The following MPRIP variants were observed in gnomAD, a reference collection of about 807,000 sequenced individuals.
MPRIP encodes the protein myosin phosphatase Rho-interacting protein.
A neutral mutation model predicts 234.9 loss-of-function variants in MPRIP; 59 were observed. That is an observed-to-expected ratio of 0.25 (90% CI 0.20 to 0.31). The LOEUF (loss-of-function observed/expected upper bound fraction) is 0.31. Ranked by LOEUF, MPRIP falls within the 10% of genes least tolerant of loss-of-function variation. The pLI is 1.00. For missense variants in MPRIP, 2,436 were observed against 3,071.0 expected, an observed-to-expected ratio of 0.79 and a Z score of 4.89; for synonymous variants, 1,144 against 1,263.9, an observed-to-expected ratio of 0.91 and a Z score of 2.01.
intron 1 of MPRIP, among the ~76,000 whole-genome samples, chr17:17,053,691 T>A (rs1157805463): frequency 6.6e-6 from 1 of 152,178 alleles, no homozygotes; most frequent in Non-Finnish European, 1.5e-5. Flanking sequence ...CCTTCCACTG[T>A]GATTTTGTGG....
intron 1 of MPRIP, among the ~76,000 whole-genome samples, chr17:17,064,362 T>C (rs1422340662): frequency 6.6e-6 from 1 of 152,058 alleles, no homozygotes; most frequent in African/African-American, 2.4e-5. Context: ...CCACTGTTTT[T>C]CCTTTTTTAT....
intron 1 of MPRIP, among the ~76,000 whole-genome samples, chr17:17,055,430 G>A (rs529658449): frequency 2.6e-5 from 4 of 152,146 alleles, no homozygotes; most frequent in Non-Finnish European, 4.4e-5. Flanking sequence ...GGGAGATCTG[G>A]CCAGGACGTT....
At chr17:17,139,695 T>C (rs1238901743) in intron 7 of MPRIP, among the ~76,000 whole-genome samples, 5 of 152,148 alleles carry the variant, frequency 3.3e-5, no homozygotes, top group Non-Finnish European at 5.9e-5. Flanking sequence ...GCCCACCCAC[T>C]CTTCCAAACG....
At chr17:17,100,256 A>C (rs1184475930) in intron 3 of MPRIP, among the ~76,000 whole-genome samples, 1 of 152,166 alleles carries the variant, frequency 6.6e-6, no homozygotes, top group East Asian at 1.9e-4. Flanking sequence ...TTCCTGAATC[A>C]CCAAGTTCAG....
At chr17:17,125,232 G>T (rs973266799) in intron 3 of MPRIP, among the ~76,000 whole-genome samples, 7 of 152,196 alleles carry the variant, frequency 4.6e-5, no homozygotes, top group Non-Finnish European at 1.0e-4. Context: ...GTCCCCCCAG[G>T]GTCAGTGTTG....
chr17:17,131,821 A>G (rs996624712), intron 5 of MPRIP, 120 bp downstream of exon 5: 1 of 826,484 alleles, frequency 1.2e-6, no homozygotes, highest in Non-Finnish European at 2.0e-6. Flanking sequence ...GCAGTCACCA[A>G]CTCTGCACAT....
intron 5 of MPRIP, among the ~76,000 whole-genome samples, chr17:17,135,545 A>G (rs1271293256): frequency 2.0e-5 from 3 of 152,240 alleles, no homozygotes; most frequent in Non-Finnish European, 2.9e-5. Context: ...TTCTCACAGC[A>G]GGCTGGTTAG....
At chr17:17,161,167 A>G (rs2045856313) in intron 14 of MPRIP, 73 bp from the exon 15 acceptor site, 1 of 1,040,408 alleles carries the variant, frequency 9.6e-7, no homozygotes, top group African/African-American at 1.6e-5. Context: ...GACCAGTGAA[A>G]GAGTCTGTGC....
intron 11 of MPRIP, 154 bp from the exon 12 acceptor site, chr17:17,149,990 G>A (rs879100366): frequency 1.6e-6 from 1 of 626,888 alleles, no homozygotes; most frequent in South Asian, 1.8e-5. Context: ...AGGGGCCTGG[G>A]TCATGCAGTA....
At position 17,118,486 on chromosome 17, in the gene MPRIP, A is replaced by G. The variant is rs893318566; in HGVS notation, c.268-8216A>G. 2.6e-5 allele frequency among the ~76,000 whole-genome samples: 4 copies of G among 152,230 alleles called. No individual in the cohort carries two copies. In the East Asian group the frequency reaches 7.7e-4, roughly 29 times the overall value. On this transcript the variant is annotated intron_variant, in intron 3 of 23. Transcript: ENST00000651222. ...CTGGAATCAGACCTGACACCTGAGG[A>G]CAGGCATTGGGATGAGGGCTCAGCC...
rs1310557103 is a variant in MPRIP, at chr17:17,167,697, T to A, written c.6106T>A (p.Cys2036Ser). Reference protein sequence around the residue: ...QSLRCLQDTLCLHQGPHPKAL... With the variant: ...QSLRCLQDTLSLHQGPHPKAL... Reference sequence around the variant, plus strand: ...CCTGAGGTGCCTTCAGGACACCCTCTGCCTCCACCAGGGGCCACACCCCAA... The same window carrying A: ...CCTGAGGTGCCTTCAGGACACCCTCAGCCTCCACCAGGGGCCACACCCCAA... The change falls in exon 16 of 24, where the codon TGC becomes AGC. Residue 2036 changes from cysteine to serine, a missense_variant. By Grantham distance (112) the Cys-to-Ser change is moderately radical (BLOSUM62 -1). Around this residue, in one of 4 missense-constraint regions of MPRIP, gnomAD observed 1,998 missense variants for 2,520.3 expected, o/e 0.79. Transcript: ENST00000651222. This position sits in a 1 kb window ranked among gnomAD's most constrained non-coding sequence, Gnocchi z 5.9. 7.7e-7 allele frequency: 1 copy of A among 1,304,056 alleles called. No homozygotes were observed. The allele number at this position is 1,304,056 out of a possible 1,614,324, so 80.8% of individuals were successfully genotyped here.
Position 17,143,567 on chromosome 17 carries a change from T to C in MPRIP, c.1401T>C (p.Asn467=). 6.3e-7 allele frequency: 1 copy of C among 1,596,702 alleles called. No individual in the cohort carries two copies. Among genetic ancestry groups the C allele is most frequent in the Admixed American group, 1.7e-5 (1 of 57,788 alleles). The change falls in exon 9 of 24, where the codon AAT becomes AAC. Residue 467 remains asparagine, a synonymous_variant. Coordinates refer to ENST00000651222, the MANE Select transcript of MPRIP (RefSeq NM_001364716.4). ...GCTCTCTGCCACAGGACTTCACCAATGAAGCCCCCCCAGCTCCTCTCCCAG... is the reference window on the plus strand; with the variant it reads ...GCTCTCTGCCACAGGACTTCACCAACGAAGCCCCCCCAGCTCCTCTCCCAG... ...RAFPRKRDFT[N]EAPPAPLPDA... is the part of the protein sequence containing the mutation.
intron 16 of MPRIP, among the ~76,000 whole-genome samples, chr17:17,170,531 T>A (rs1333770302): frequency 6.6e-6 from 1 of 152,194 alleles, no homozygotes; most frequent in East Asian, 1.9e-4. Flanking sequence ...GAGTTGGCCA[T>A]CACCAAAAGT....
In MPRIP at chr17:17,074,275, A is replaced by C. The variant is rs530296956; in HGVS notation, c.124-1435A>C. On this transcript the variant is annotated intron_variant, in intron 1 of 23. Transcript: ENST00000651222. ...GCACTGGATAAATGGGACTGGTTGT[A>C]CCTTTTCCAATGCATTCTCGCCAGC... Among the ~76,000 whole-genome samples, 9 of 152,296 alleles carry C rather than the reference A, an allele frequency of 5.9e-5. No homozygotes were observed. In the South Asian group the frequency reaches 1.9e-3, roughly 32 times the overall value.
In MPRIP at chr17:17,175,324, C is replaced by T. The variant is rs747753320; in HGVS notation, c.6782C>T (p.Thr2261Ile). ...ELNNRLAAEI[T>I]RLRTLLTGDG... ...AACAACCGCCTGGCTGCAGAGATCA[C>T]ACGGTTGCGGACGCTGCTGACTGGG... Residue 2261 changes from threonine to isoleucine, a missense_variant, in exon 20 of 24, where the codon ACA (threonine) becomes ATA (isoleucine). Around this residue, in one of 4 missense-constraint regions of MPRIP, gnomAD observed 1,998 missense variants for 2,520.3 expected, o/e 0.79. Coordinates refer to ENST00000651222, the MANE Select transcript of MPRIP (RefSeq NM_001364716.4). The T allele has an allele frequency of 2.5e-6, 4 of 1,613,496 alleles. No individual in the cohort carries two copies. The highest frequency in any genetic ancestry group is 3.4e-6 in the Non-Finnish European group (4 of 1,180,022).
chr17:17,179,589 A>T (rs530908769), intron 22 of MPRIP: 4 of 157,856 alleles, frequency 2.5e-5, no homozygotes, highest in African/African-American at 9.6e-5. Flanking sequence ...TGGGTGGACA[A>T]TGAGAAGGCC....
chr17:17,096,376 T>C (rs1414251903), intron 3 of MPRIP, among the ~76,000 whole-genome samples: 2 of 148,646 alleles, frequency 1.3e-5, no homozygotes, highest in African/African-American at 5.0e-5. Flanking sequence ...CCAGGGGACC[T>C]GTGTGTGTTG....
intron 3 of MPRIP, among the ~76,000 whole-genome samples, chr17:17,113,686 A>C (rs2090218726): frequency 6.6e-6 from 1 of 152,128 alleles, no homozygotes; most frequent in East Asian, 1.9e-4. Context: ...TGGATGAAAC[A>C]GCAAATCTAT....
At chr17:17,046,588 T>C (rs2088360445) in intron 1 of MPRIP, among the ~76,000 whole-genome samples, 1 of 152,244 alleles carries the variant, frequency 6.6e-6, no homozygotes, top group Non-Finnish European at 1.5e-5. Context: ...TGAGCCTTTT[T>C]TATAGTATTT....
Sources: gnomAD v4.1 joint callset for allele counts (sites outside exome capture counted in the v4.1 genomes callset) on GRCh38, gnomAD v4.1.1 for gene constraint, gnomAD v4.1.1 regional missense constraint, Gnocchi (gnomAD v3.1) non-coding constraint, MANE v1.5 for transcripts, NCBI Gene and HGNC (gene_info 2026-07-23, HGNC 2026-07-21) for gene names.